Variants in ENO1 observed in about 807,000 individuals in gnomAD.
ENO1 encodes alpha-enolase.
Under a neutral mutation model 46.3 loss-of-function variants are expected in ENO1, and 33 were observed. The ratio of observed to expected loss-of-function variants is 0.71; its 90% CI spans 0.54 to 0.95. The LOEUF (loss-of-function observed/expected upper bound fraction) is 0.95. Ranked by LOEUF, ENO1 falls within the 40% of genes least tolerant of loss-of-function variation. ENO1 has a pLI of 0.00. For synonymous variants in ENO1, 220 were observed against 216.0 expected, an observed-to-expected ratio of 1.02 and a Z score of -0.16; for missense variants, 488 against 553.3, an observed-to-expected ratio of 0.88 and a Z score of 1.18.
intron 4 of ENO1, among the ~76,000 whole-genome samples, chr1:8,868,557 C>T (rs558767971): frequency 2.2e-4 from 33 of 152,214 alleles, no homozygotes; most frequent in African/African-American, 7.2e-4. Context: ...GCAGGTAGTC[C>T]GAAATCATTT....
chr1:8,871,706 G>C (rs940834402), intron 3 of ENO1, 185 bp downstream of exon 3: 2 of 1,292,572 alleles, frequency 1.5e-6, no homozygotes, highest in African/African-American at 3.0e-5. Flanking sequence ...GGGAACCCCG[G>C]AATCCACACA....
Position 8,871,812 on chromosome 1 carries a change from C to T in ENO1, c.181+79G>A. On this transcript the variant is annotated intron_variant, in intron 3 of 11. Transcript: ENST00000234590. ...ATAAACCTGCAAGTGCAAGTGCCAC[C>T]CAGAGAGGACAGGACTGGGCAAGGC... 4 of 1,489,002 alleles carry T rather than the reference C, an allele frequency of 2.7e-6. No individual in the cohort carries two copies. In the South Asian group the frequency reaches 4.6e-5, roughly 17 times the overall value. 92.2% of individuals were successfully genotyped at this position (1,489,002 alleles called of 1,614,324 possible).
At chr1:8,866,212 C>T (rs930740418) in intron 7 of ENO1, 67 bp downstream of exon 7, 13 of 1,417,830 alleles carry the variant, frequency 9.2e-6, no homozygotes, top group Admixed American at 3.6e-5. Flanking sequence ...CAGGTGTGGA[C>T]GACCCCCCAA....
rs768452646 is a variant in ENO1, at chr1:8,864,106, G to C, written c.866-14C>G. 4 of 1,613,374 alleles carry C rather than the reference G, an allele frequency of 2.5e-6. No homozygotes were observed. Among genetic ancestry groups the C allele is most frequent in the Non-Finnish European group, 3.4e-6 (4 of 1,179,720 alleles). On this transcript the variant is annotated splice_polypyrimidine_tract_variant and intron_variant, in intron 8 of 11. Transcript: ENST00000234590. ...CGATAGACACCACTAAGGAAAGGAGGGACACGCTTCATCAGTGTGATCCTC... is the reference window on the plus strand; with the variant it reads ...CGATAGACACCACTAAGGAAAGGAGCGACACGCTTCATCAGTGTGATCCTC...
Position 8,874,882 on chromosome 1 carries a change from C to T in ENO1, c.27G>A (p.Arg9=), listed in dbSNP as rs1359299064. Reference sequence around the variant, plus strand: ...GATTCCCGCGAGAGTCAAAGATCTCCCTGGCATGGATCTTGAGAATAGACA... The same window carrying T: ...GATTCCCGCGAGAGTCAAAGATCTCTCTGGCATGGATCTTGAGAATAGACA... The part of the protein sequence containing the change: MSILKIHA[R]EIFDSRGNPT... The change falls in exon 2 of 12, where the codon AGG becomes AGA. Residue 9 remains arginine, a synonymous_variant. Transcript: ENST00000234590. The T allele has an allele frequency of 1.2e-6, 2 of 1,613,666 alleles. No individual in the cohort carries two copies. The highest frequency in any genetic ancestry group is 1.3e-5 in the African/African-American group (1 of 74,872).
In ENO1 at chr1:8,867,260, A is replaced by G; in HGVS notation, c.311-10T>C. The G allele has an allele frequency of 6.2e-7, 1 of 1,613,844 alleles. No individual in the cohort carries two copies. The highest frequency in any genetic ancestry group is 8.5e-7 in the Non-Finnish European group (1 of 1,179,782). ...TTCGCACCAAACTTAGCTAGAACAGAAGAGAACCGAGTGGAATGAAGTCAT... is the reference window on the plus strand; with the variant it reads ...TTCGCACCAAACTTAGCTAGAACAGGAGAGAACCGAGTGGAATGAAGTCAT... On this transcript the variant is annotated splice_polypyrimidine_tract_variant and intron_variant, in intron 5 of 11. Coordinates refer to ENST00000234590, the MANE Select transcript of ENO1 (RefSeq NM_001428.5).
intron 3 of ENO1, 82 bp downstream of exon 3, chr1:8,871,809 C>T (rs1285494402): frequency 1.4e-6 from 2 of 1,467,910 alleles, no homozygotes; most frequent in Non-Finnish European, 1.9e-6. Flanking sequence ...GTGCAAGTGC[C>T]ACCCAGAGAG....
intron 2 of ENO1, 26 bp from the exon 3 acceptor site, chr1:8,872,012 T>G: frequency 6.3e-7 from 1 of 1,598,666 alleles, no homozygotes; most frequent in Non-Finnish European, 8.6e-7. Flanking sequence ...AAAGATGTAG[T>G]AGCAATTCAG....
At position 8,871,793 on chromosome 1, in the gene ENO1, C is replaced by CTGCAAG. The variant is rs1642638716; in HGVS notation, c.181+92_181+97dup. The stretch of plus-strand genomic sequence containing the variant: ...CACAGCAGGTTTACCTGCCATAAAC[C>CTGCAAG]TGCAAGTGCAAGTGCCACCCAGAGA... On this transcript the variant is annotated intron_variant, in intron 3 of 11. Coordinates refer to ENST00000234590, the MANE Select transcript of ENO1 (RefSeq NM_001428.5). 1.8e-5 allele frequency: 25 copies of CTGCAAG among 1,393,770 alleles called. 1 individual carries two copies. The South Asian group carries it at 2.6e-4, about 14-fold the overall frequency. The allele number at this position is 1,393,770 out of a possible 1,614,324, so 86.3% of individuals were successfully genotyped here.
At chr1:8,863,031 A>T in intron 10 of ENO1, 86 bp from the exon 11 acceptor site, 1 of 1,535,300 alleles carries the variant, frequency 6.5e-7, no homozygotes. Flanking sequence ...TCAGAGAGAG[A>T]ATTTCTAGAG....
In ENO1 at chr1:8,875,319, A is replaced by AG. The variant is rs1491137325; in HGVS notation, c.-9-403_-9-402insC. Among the ~76,000 whole-genome samples the AG allele has an allele frequency of 2.6e-5, 4 of 152,142 alleles. No individual in the cohort carries two copies. In the East Asian group the frequency reaches 5.8e-4, roughly 22 times the overall value. ...CTGTAAGAAAAAAGAAAAAAAAAAA[A>AG]AGAGAGAGAAAAAGCCCACAAACGT... is the stretch of plus-strand genomic sequence containing the variant. On this transcript the variant is annotated intron_variant, in intron 1 of 11. Coordinates refer to ENST00000234590, the MANE Select transcript of ENO1 (RefSeq NM_001428.5).
Position 8,864,040 on chromosome 1 carries a change from C to T in ENO1, c.918G>A (p.Lys306=). ...FDQDDWGAWQ[K]FTASAGIQVV... ...CCTGGATTCCTGCACTGGCTGTGAA[C>T]TTCTGCCAAGCTCCCCAGTCATCCT... Residue 306 remains lysine (K), a synonymous_variant, in exon 9 of 12, where the codon AAG becomes AAA. Coordinates refer to ENST00000234590, the MANE Select transcript of ENO1 (RefSeq NM_001428.5). The T allele has an allele frequency of 6.2e-7, 1 of 1,614,170 alleles. No individual in the cohort carries two copies. The highest frequency in any genetic ancestry group is 2.2e-5 in the East Asian group (1 of 44,880).
Position 8,866,377 on chromosome 1 carries a change from T to C in ENO1, c.569A>G (p.His190Arg), listed in dbSNP as rs201627070. 1 of 1,614,226 alleles carries C rather than the reference T, an allele frequency of 6.2e-7. No homozygotes were observed. The highest frequency in any genetic ancestry group is 8.5e-7 in the Non-Finnish European group (1 of 1,180,042). Reference protein sequence around the residue: ...EAMRIGAEVYHNLKNVIKEKY... With the variant: ...EAMRIGAEVYRNLKNVIKEKY... ...CTCCTTGATGACATTCTTCAGGTTGTGGTAAACCTCTGCTCCAATGCGCAT... is the reference window on the plus strand; with the variant it reads ...CTCCTTGATGACATTCTTCAGGTTGCGGTAAACCTCTGCTCCAATGCGCAT... Residue 190 changes from histidine (H) to arginine (R), a missense_variant, in exon 7 of 12, where the codon CAC becomes CGC. Transcript: ENST00000234590.
intron 8 of ENO1, among the ~76,000 whole-genome samples, 169 bp from the exon 9 acceptor site, chr1:8,864,261 T>A (rs1302262521): frequency 6.6e-6 from 1 of 152,094 alleles, no homozygotes; most frequent in Non-Finnish European, 1.5e-5. Context: ...TGCCCCAGCC[T>A]ACTCCTGCAG....
Position 8,868,062 on chromosome 1 carries a change from G to A in ENO1, c.241-5C>T, listed in dbSNP as rs756041457. 9 of 1,612,342 alleles carry A rather than the reference G, an allele frequency of 5.6e-6. No homozygotes were observed. In the African/African-American group the frequency reaches 6.7e-5, roughly 12 times the overall value. On this transcript the variant is annotated splice_polypyrimidine_tract_variant and splice_region_variant and intron_variant, in intron 4 of 11. Coordinates refer to ENST00000234590, the MANE Select transcript of ENO1 (RefSeq NM_001428.5). ...TTGTTCTGTGACGTTCAGTTTCTACGAGGGAGAGGGGAGAATGAGGGGTTG... is the reference window on the plus strand; with the variant it reads ...TTGTTCTGTGACGTTCAGTTTCTACAAGGGAGAGGGGAGAATGAGGGGTTG...
chr1:8,872,668 C>T (rs1413589981), intron 2 of ENO1, among the ~76,000 whole-genome samples: 2 of 152,136 alleles, frequency 1.3e-5, no homozygotes, highest in Non-Finnish European at 2.9e-5. Context: ...CAGGCATGAG[C>T]CACCATGCCC....
chr1:8,872,471 C>G (rs1439142077), intron 2 of ENO1, among the ~76,000 whole-genome samples: 1 of 152,094 alleles, frequency 6.6e-6, no homozygotes, highest in Non-Finnish European at 1.5e-5. Context: ...CAATCTCCAC[C>G]TCCTGGGTTC....
Position 8,866,511 on chromosome 1 carries a change from G to A in ENO1, c.445-10C>T. 3 of 1,614,062 alleles carry A rather than the reference G, an allele frequency of 1.9e-6. No individual in the cohort carries two copies. Among genetic ancestry groups the A allele is most frequent in the South Asian group, 2.2e-5 (2 of 91,082 alleles). ...TGATGACATTGAACGCCTGGGGAGA[G>A]CAGAGCAGAGAAGCATGGCACTGGG... On this transcript the variant is annotated splice_polypyrimidine_tract_variant and intron_variant, in intron 6 of 11. Transcript: ENST00000234590.
Position 8,861,562 on chromosome 1 carries a change from A to C in ENO1, c.1236-133T>G, listed in dbSNP as rs1282298709. On this transcript the variant is annotated intron_variant, in intron 11 of 11. Transcript: ENST00000234590. ...GGAAGTTGAGAACACAGAACTCTCC[A>C]GTTTGTCCACCTTCTTTAAACCCTC... The C allele has an allele frequency of 9.8e-6, 8 of 817,888 alleles. No homozygotes were observed. The African/African-American group carries it at 1.4e-4, about 14-fold the overall frequency. The allele number at this position is 817,888 out of a possible 1,614,324, so 50.7% of individuals were successfully genotyped here.
Sources: allele counts gnomAD v4.1 joint callset (sites outside exome capture counted in the v4.1 genomes callset), GRCh38; gene constraint gnomAD v4.1.1; transcripts MANE v1.5; gene names NCBI Gene and HGNC (gene_info 2026-07-23, HGNC 2026-07-21).